The following PAPPA variants were observed in gnomAD, a reference collection of about 807,000 sequenced individuals.
The protein encoded by PAPPA is pappalysin-1.
Under a neutral mutation model 164.0 loss-of-function variants are expected in PAPPA, and 60 were observed. The ratio of observed to expected loss-of-function variants is 0.37; its 90% confidence interval spans 0.30 to 0.45. PAPPA has a LOEUF of 0.45. Among genes scored for constraint, PAPPA ranks in the 20% least tolerant of loss-of-function variants. The pLI, the probability that PAPPA is intolerant of heterozygous loss-of-function variation, is 1.00. For missense variants in PAPPA, 1,782 were observed against 2,087.3 expected (o/e 0.85, Z 2.85); for synonymous variants, 875 against 814.1 (o/e 1.07, Z -1.27).
At chr9:116,384,824 A>AAGTT (rs1255049489) in intron 21 of PAPPA, among the ~76,000 whole-genome samples, 2 of 152,172 alleles carry the variant, frequency 1.3e-5, no homozygotes, top group Non-Finnish European at 2.9e-5. Flanking sequence ...ATGGACGATG[A>AAGTT]AGTTTGTATT....
chr9:116,178,274 T>C (rs990002371), intron 1 of PAPPA, among the ~76,000 whole-genome samples: 1 of 151,950 alleles, frequency 6.6e-6, no homozygotes, highest in Non-Finnish European at 1.5e-5. Context: ...GCCCAGCTAA[T>C]TTTTTGTATT....
intron 21 of PAPPA, among the ~76,000 whole-genome samples, chr9:116,392,755 T>C (rs981824104): frequency 6.6e-6 from 1 of 152,208 alleles, no homozygotes; most frequent in Non-Finnish European, 1.5e-5. Context: ...AGAGCTGGAC[T>C]GGACCTGACA....
chr9:116,163,359 T>C (rs1843689527), intron 1 of PAPPA, among the ~76,000 whole-genome samples: 1 of 152,122 alleles, frequency 6.6e-6, no homozygotes, highest in South Asian at 2.1e-4. Context: ...CAGAGTAGCT[T>C]TGAAGAAGAG....
At chr9:116,204,562 T>C (rs1362978703) in intron 2 of PAPPA, among the ~76,000 whole-genome samples, 2 of 152,068 alleles carry the variant, frequency 1.3e-5, no homozygotes, top group Non-Finnish European at 2.9e-5. Flanking sequence ...TACAGGCATG[T>C]GCCACCATGC....
At chr9:116,185,145 T>G (rs922894975) in intron 1 of PAPPA, among the ~76,000 whole-genome samples, 7 of 152,200 alleles carry the variant, frequency 4.6e-5, no homozygotes, top group African/African-American at 1.7e-4. Flanking sequence ...GGACCTAATA[T>G]GTGACACAGA....
In PAPPA at chr9:116,261,887, G is replaced by GTGTTTTGTTTTGTTTTGTTTTGTTT. The variant is rs71300680; in HGVS notation, c.2733-3969_2733-3945dup. ...GAATGACGGTTAAATGTAGAAAAAA[G>GTGTTTTGTTTTGTTTTGTTTTGTTT]TGTTTTGTTTTGTTTTGTTTTGTTT... On this transcript the variant is annotated intron_variant, in intron 7 of 21. Transcript: ENST00000328252. Among the ~76,000 whole-genome samples the GTGTTTTGTTTTGTTTTGTTTTGTTT allele has an allele frequency of 2.7e-3, 415 of 151,054 alleles. 3 individuals are homozygous for GTGTTTTGTTTTGTTTTGTTTTGTTT. Among genetic ancestry groups the GTGTTTTGTTTTGTTTTGTTTTGTTT allele is most frequent in the African/African-American group, 9.5e-3 (391 of 41,058 alleles).
rs117188905 is a variant in PAPPA, at chr9:116,198,186, C to T, written c.1479-9270C>T. On this transcript the variant is annotated intron_variant, in intron 2 of 21. Transcript: ENST00000328252. ...GGGAAGAGAGCTGTGGGCCCTTGAA[C>T]GGTAGAGTTCAGTTGCAAGAATGAT... is the stretch of plus-strand genomic sequence containing the variant. Among the ~76,000 whole-genome samples, 121 of 152,264 alleles carry T rather than the reference C, an allele frequency of 7.9e-4. No homozygotes were observed. The East Asian group carries it at 0.021, about 26-fold the overall frequency.
chr9:116,319,860 A>C (rs1845832192), intron 10 of PAPPA, among the ~76,000 whole-genome samples: 1 of 152,196 alleles, frequency 6.6e-6, no homozygotes. Context: ...TGGGGAATCT[A>C]TGTTTGGAAC....
chr9:116,281,174 A>G (rs1187733773), intron 9 of PAPPA, among the ~76,000 whole-genome samples: 1 of 152,232 alleles, frequency 6.6e-6, no homozygotes, highest in Non-Finnish European at 1.5e-5. Flanking sequence ...GGGACTTTAT[A>G]TAAGGGTCTT....
chr9:116,274,125 G>A (rs1845168978), intron 9 of PAPPA, among the ~76,000 whole-genome samples: 1 of 128,300 alleles, frequency 7.8e-6, no homozygotes, highest in Admixed American at 8.1e-5. Context: ...AGGCTTTCAG[G>A]GTGAATGAAA....
chr9:116,163,825 A>G (rs1249285400), intron 1 of PAPPA, among the ~76,000 whole-genome samples: 1 of 152,140 alleles, frequency 6.6e-6, no homozygotes, highest in Admixed American at 6.5e-5. Flanking sequence ...TTACTGCTCC[A>G]TTGGTGGATA....
At chr9:116,379,429 G>A (rs1846697747) in intron 20 of PAPPA, among the ~76,000 whole-genome samples, 1 of 152,160 alleles carries the variant, frequency 6.6e-6, no homozygotes, top group African/African-American at 2.4e-5. Context: ...GCTTCACTGA[G>A]AACCTCTTAT....
At chr9:116,235,664 T>A (rs1310884043) in intron 7 of PAPPA, 27 bp downstream of exon 7, 3 of 1,611,322 alleles carry the variant, frequency 1.9e-6, no homozygotes, top group Admixed American at 3.3e-5. Context: ...AATAGGGAGT[T>A]TATTAAGTGG....
intron 1 of PAPPA, among the ~76,000 whole-genome samples, chr9:116,183,597 T>C (rs116504961): frequency 0.013 from 1,918 of 152,210 alleles, 41 homozygotes; most frequent in African/African-American, 0.043. Flanking sequence ...TAAAACCCCA[T>C]TGCCACCATA....
rs972311734 is a variant in PAPPA at position 116,207,927 on chromosome 9, C to T, written c.1624+326C>T. 6.6e-5 allele frequency among the ~76,000 whole-genome samples: 10 copies of T among 152,288 alleles called. No homozygotes were observed. In the South Asian group the frequency reaches 1.9e-3, roughly 28 times the overall value. ...ATTGGAATTTAAGTTTCCAACACTG[C>T]CCATTGTTTGCTTTCTCCTTATACC... is the stretch of plus-strand genomic sequence containing the variant. On this transcript the variant is annotated intron_variant, in intron 3 of 21. Transcript: ENST00000328252.
chr9:116,220,075 C>T lies in PAPPA; in HGVS notation c.2057C>T (p.Thr686Met), dbSNP rs200967330. 52 of 1,614,096 alleles carry T rather than the reference C, an allele frequency of 3.2e-5. No homozygotes were observed. In the East Asian group the frequency reaches 6.7e-4, roughly 21 times the overall value. The change falls in exon 5 of 22, where the codon ACG (threonine) becomes ATG (methionine). Residue 686 changes from threonine (T) to methionine (M), a missense_variant. Physicochemically the swap from Thr to Met is moderately conservative, Grantham distance 81. Transcript: ENST00000328252. Reference protein sequence around the residue: ...ALAPQVLGHTTDSVTLEWFPP... With the variant: ...ALAPQVLGHTMDSVTLEWFPP... ...GCCCCCCAAGTTCTGGGCCACACAA[C>T]GGACTCTGTGACACTGGAGTGGTTC...
chr9:116,317,532 G>C (rs147922243), intron 10 of PAPPA, among the ~76,000 whole-genome samples: 147 of 152,338 alleles, frequency 9.6e-4, no homozygotes, highest in Admixed American at 3.9e-3. Context: ...TTAAAGCTAA[G>C]TAGATTTTTG....
chr9:116,289,542 T>C (rs1037460712), intron 9 of PAPPA, among the ~76,000 whole-genome samples: 1 of 151,894 alleles, frequency 6.6e-6, no homozygotes, highest in African/African-American at 2.4e-5. Flanking sequence ...TAATAAGCCT[T>C]AATCAGCCAG....
intron 21 of PAPPA, among the ~76,000 whole-genome samples, chr9:116,392,500 G>A (rs188786487): frequency 1.0e-3 from 157 of 151,972 alleles, no homozygotes; most frequent in African/African-American, 3.7e-3. Flanking sequence ...GCATGTGGAA[G>A]GCCCTTTGGA....
Sources: allele counts gnomAD v4.1 joint callset (sites outside exome capture counted in the v4.1 genomes callset), GRCh38; gene constraint gnomAD v4.1.1; transcripts MANE v1.5; gene names NCBI Gene and HGNC (gene_info 2026-07-23, HGNC 2026-07-21).